The following RNGTT variants were observed in gnomAD, a reference collection of about 807,000 sequenced individuals.
RNGTT encodes the protein mRNA-capping enzyme.
Under a neutral mutation model 79.3 loss-of-function variants are expected in RNGTT, and 33 were observed. The ratio of observed to expected loss-of-function variants is 0.42; its 90% CI spans 0.32 to 0.56. RNGTT has a LOEUF of 0.56. Among genes scored for constraint, RNGTT ranks in the 20% least tolerant of loss-of-function variants. The pLI is 0.17. For synonymous variants in RNGTT, 222 were observed against 235.9 expected, an observed-to-expected ratio of 0.94 and a Z score of 0.54; for missense variants, 497 against 739.1, an observed-to-expected ratio of 0.67 and a Z score of 3.80.
intron 8 of RNGTT, among the ~76,000 whole-genome samples, chr6:88,887,044 C>CT (rs1189687226): frequency 5.1e-5 from 5 of 98,324 alleles, no homozygotes; most frequent in East Asian, 3.1e-4. Context: ...AACACAATTT[C>CT]TTTAAAAAAA....
intron 10 of RNGTT, among the ~76,000 whole-genome samples, chr6:88,845,387 T>C (rs1233726039): frequency 6.6e-6 from 1 of 152,344 alleles, no homozygotes; most frequent in Middle Eastern, 3.4e-3. Flanking sequence ...AAAAAGTACA[T>C]GAACACTTTT....
At chr6:88,764,978 G>A (rs926208583) in intron 13 of RNGTT, among the ~76,000 whole-genome samples, 1 of 152,080 alleles carries the variant, frequency 6.6e-6, no homozygotes, top group Non-Finnish European at 1.5e-5. Context: ...GGATCATCAG[G>A]TCAGGAGATC....
intron 12 of RNGTT, among the ~76,000 whole-genome samples, chr6:88,791,447 T>C (rs967503082): frequency 3.9e-4 from 59 of 152,242 alleles, no homozygotes; most frequent in Admixed American, 1.4e-3. Flanking sequence ...TATGTTGTTT[T>C]AAGCCATCAA....
intron 14 of RNGTT, among the ~76,000 whole-genome samples, chr6:88,634,522 TACAG>T (rs1488407131): frequency 2.0e-5 from 3 of 152,136 alleles, no homozygotes; most frequent in Non-Finnish European, 2.9e-5. Flanking sequence ...GCTAAAAGGC[TACAG>T]ACAGAGAAAA....
chr6:88,935,856 C>G (rs1286208646), intron 2 of RNGTT, among the ~76,000 whole-genome samples: 1 of 152,126 alleles, frequency 6.6e-6, no homozygotes, highest in African/African-American at 2.4e-5. Context: ...TTCTTGATTT[C>G]TTTCTCAGCT....
At chr6:88,621,378 C>T (rs1370828441) in intron 14 of RNGTT, among the ~76,000 whole-genome samples, 1 of 152,078 alleles carries the variant, frequency 6.6e-6, no homozygotes, top group East Asian at 1.9e-4. Context: ...AAGACATTTC[C>T]TTAAATTCCA....
At chr6:88,772,635 A>C (rs112489064) in intron 12 of RNGTT, among the ~76,000 whole-genome samples, 13 of 151,818 alleles carry the variant, frequency 8.6e-5, no homozygotes, top group African/African-American at 2.9e-4. Flanking sequence ...AGAAAAAAAA[A>C]GACCCCATCA....
chr6:88,885,477 A>T (rs1213225301), intron 8 of RNGTT, among the ~76,000 whole-genome samples: 1 of 152,206 alleles, frequency 6.6e-6, no homozygotes, highest in Admixed American at 6.5e-5. Flanking sequence ...CACTGATAGG[A>T]ATAAAAAAAG....
chr6:88,787,066 T>G, intron 12 of RNGTT, among the ~76,000 whole-genome samples: 1 of 152,220 alleles, frequency 6.6e-6, no homozygotes, highest in Non-Finnish European at 1.5e-5. Context: ...AAATTTCTGT[T>G]GTTTATAAGC....
intron 8 of RNGTT, among the ~76,000 whole-genome samples, chr6:88,857,571 T>C (rs1399674254): frequency 6.6e-6 from 1 of 152,086 alleles, no homozygotes. Flanking sequence ...ATTCAGCAAA[T>C]AGGTAAAATA....
At chr6:88,897,019 G>A (rs1783273737) in intron 6 of RNGTT, among the ~76,000 whole-genome samples, 1 of 152,084 alleles carries the variant, frequency 6.6e-6, no homozygotes, top group Admixed American at 6.6e-5. Context: ...TTGATTGAGT[G>A]CCGACAGCAT....
chr6:88,666,845 C>T (rs923975781), intron 14 of RNGTT, among the ~76,000 whole-genome samples: 3 of 152,172 alleles, frequency 2.0e-5, no homozygotes, highest in African/African-American at 7.2e-5. Context: ...TGCTTTAACT[C>T]AGGCCTTAGA....
At chr6:88,617,040 A>G (rs541123140) in intron 14 of RNGTT, among the ~76,000 whole-genome samples, 62 of 152,362 alleles carry the variant, frequency 4.1e-4, no homozygotes, top group African/African-American at 1.5e-3. Flanking sequence ...TGGGAGGCCG[A>G]GGTGGGCAGA....
rs55920605 is a variant in RNGTT at position 88,632,544 on chromosome 6, GACACACAC to G, written c.1507-18157_1507-18150del. 2.2e-3 allele frequency among the ~76,000 whole-genome samples: 288 copies of G among 133,050 alleles called. 5 individuals are homozygous for G. Among genetic ancestry groups the G allele is most frequent in the Admixed American group, 9.3e-3 (132 of 14,210 alleles). The allele number at this position is 133,050 out of a possible 152,430, so 87.3% of individuals were successfully genotyped here. A position where few individuals can be genotyped will look rare whatever the true frequency, so the allele number is the denominator to read the frequency against. ...CCAACTACAGACACACAGACACACA[GACACACAC>G]ACACACACACACACACACACACACA... On this transcript the variant is annotated intron_variant, in intron 14 of 15. Transcript: ENST00000369485.
chr6:88,866,559 GAATAT>G lies in RNGTT; in HGVS notation c.897-12800_897-12796del, dbSNP rs569473097. Among the ~76,000 whole-genome samples, 7 of 152,210 alleles carry G rather than the reference GAATAT, an allele frequency of 4.6e-5. No homozygotes were observed. The South Asian group carries it at 1.0e-3, about 23-fold the overall frequency. ...AGCTTCTACCTCAAAAACTAGATTT[GAATAT>G]AATATATTTTACTATCTCCTAAGGT... is the stretch of plus-strand genomic sequence containing the variant. On this transcript the variant is annotated intron_variant, in intron 8 of 15. Transcript: ENST00000369485.
chr6:88,827,477 A>G (rs898217207), intron 11 of RNGTT, among the ~76,000 whole-genome samples: 4 of 152,150 alleles, frequency 2.6e-5, no homozygotes, highest in African/African-American at 9.7e-5. Context: ...TTGGGCAGAC[A>G]CCGAGCTAGC....
At chr6:88,920,490 A>G (rs1784131263) in intron 4 of RNGTT, among the ~76,000 whole-genome samples, 1 of 152,202 alleles carries the variant, frequency 6.6e-6, no homozygotes, top group Non-Finnish European at 1.5e-5. Flanking sequence ...GTGTGTATAT[A>G]TATTCATACA....
intron 11 of RNGTT, among the ~76,000 whole-genome samples, chr6:88,842,190 C>A (rs1327362491): frequency 6.6e-6 from 1 of 152,008 alleles, no homozygotes; most frequent in African/African-American, 2.4e-5. Flanking sequence ...AATCAGACAT[C>A]CTAACACATA....
chr6:88,831,595 C>G, intron 11 of RNGTT, among the ~76,000 whole-genome samples: 1 of 152,184 alleles, frequency 6.6e-6, no homozygotes, highest in East Asian at 1.9e-4. Context: ...ACAGGGCAAT[C>G]AGGCAAGAGA....
Sources: gnomAD v4.1 joint callset for allele counts (sites outside exome capture counted in the v4.1 genomes callset) on GRCh38, gnomAD v4.1.1 for gene constraint, MANE v1.5 for transcripts, NCBI Gene and HGNC (gene_info 2026-07-23, HGNC 2026-07-21) for gene names.